Variants in SEC16A observed in about 807,000 individuals in gnomAD.
SEC16A encodes the protein SEC16 homolog A, endoplasmic reticulum export factor, also known as protein transport protein Sec16A.
Under a neutral mutation model 221.9 loss-of-function variants are expected in SEC16A, and 110 were observed. That is an observed-to-expected ratio of 0.50 (90% CI 0.42 to 0.58). The LOEUF is 0.58. Ranked by LOEUF, SEC16A falls within the 20% of genes least tolerant of loss-of-function variation. SEC16A has a pLI of 0.00. For missense variants in SEC16A, 3,165 were observed against 3,097.8 expected (o/e 1.02, Z -0.52); for synonymous variants, 1,393 against 1,257.7 (o/e 1.11, Z -2.28).
Position 136,475,761 on chromosome 9 carries a change from CTAAG to C in SEC16A, c.1851_1854del (p.His617GlnfsTer4), listed in dbSNP as rs896453210. 4 of 1,604,112 alleles carry C rather than the reference CTAAG, an allele frequency of 2.5e-6. No individual in the cohort carries two copies. Among genetic ancestry groups the C allele is most frequent in the Admixed American group, 1.7e-5 (1 of 58,050 alleles). ...TCTGCCTCAAATGGTTTTACCCCAA[CTAAG>C]TGAGATTTTACCGGTTCGAAAGAAC... On this transcript the variant is annotated frameshift_variant, in exon 3 of 32. Coordinates refer to ENST00000684901, the MANE Select transcript of SEC16A (RefSeq NM_014866.2). LOFTEE classifies it high-confidence loss of function. This position sits in a 1 kb window ranked among gnomAD's most constrained non-coding sequence, Gnocchi z 5.0.
intron 30 of SEC16A, among the ~76,000 whole-genome samples, chr9:136,444,367 C>T (rs1459115716): frequency 7.2e-5 from 11 of 152,242 alleles, no homozygotes; most frequent in Admixed American, 6.5e-4. Context: ...GTCACTGCTG[C>T]ACCCGCCCCG....
Position 136,449,089 on chromosome 9 carries a change from A to G in SEC16A, c.6313-928T>C, listed in dbSNP as rs116452084. Among the ~76,000 whole-genome samples, 340 of 152,350 alleles carry G rather than the reference A, an allele frequency of 2.2e-3. 1 individual carries two copies. Among genetic ancestry groups the G allele is most frequent in the African/African-American group, 8.1e-3 (337 of 41,572 alleles). On this transcript the variant is annotated intron_variant, in intron 23 of 31. Coordinates refer to ENST00000684901, the MANE Select transcript of SEC16A (RefSeq NM_014866.2). ...GTGCCTTCAGGAACTTTTTACGTCT[A>G]AACACTGACAAAGCTTCCGACGTCC... is the stretch of plus-strand genomic sequence containing the variant.
chr9:136,484,596 A>T (rs1296569167), upstream of SEC16A: 1 of 1,351,904 alleles, frequency 7.4e-7, no homozygotes, highest in Non-Finnish European at 9.9e-7. Flanking sequence ...GCAGCGGCTG[A>T]GGTCCTCCCT....
Position 136,477,351 on chromosome 9 carries a change from G to A in SEC16A, c.265C>T (p.His89Tyr), listed in dbSNP as rs769233951. ...GTGTGAGGAACAAGCAAACCGGGGT[G>A]CTGAGAAAACCCTGCGGGGGCTGGG... ...QGPAPAGFSQHPGLLVPHTHA... is the reference protein window; with the variant it reads ...QGPAPAGFSQYPGLLVPHTHA... Residue 89 changes from histidine (H) to tyrosine (Y), a missense_variant, in exon 3 of 32, where the codon CAC (histidine) becomes TAC (tyrosine). Around this residue, in one of 3 missense-constraint regions of SEC16A, gnomAD observed 2,030 missense variants for 1,923.1 expected, o/e 1.06. Transcript: ENST00000684901. 2.5e-6 allele frequency: 4 copies of A among 1,613,892 alleles called. No homozygotes were observed. Among genetic ancestry groups the A allele is most frequent in the Non-Finnish European group, 3.4e-6 (4 of 1,179,890 alleles).
Position 136,467,020 on chromosome 9 carries a change from C to T in SEC16A, c.3866G>A (p.Arg1289Gln), listed in dbSNP as rs201659618. The T allele has an allele frequency of 4.3e-5, 70 of 1,613,734 alleles. No individual in the cohort carries two copies. The highest frequency in any genetic ancestry group is 3.3e-4 in the African/African-American group (25 of 74,924). The change falls in exon 6 of 32, where the codon CGG becomes CAG. Residue 1289 changes from arginine (R) to glutamine (Q), a missense_variant. Transcript: ENST00000684901. ...ATACTCTGCATCACACCAATACCTC[C>T]GGTCATAGGTGCGGGGGTCCCTGAC... ...ARVRDPRTYD[R>Q]RYWCDAEYDA...
At position 136,475,351 on chromosome 9, in the gene SEC16A, T is replaced by A; in HGVS notation, c.2265A>T (p.Pro755=). Residue 755 remains proline, a synonymous_variant, in exon 3 of 32, where the codon CCA becomes CCT. Transcript: ENST00000684901. The surrounding 1 kb of genome is among the most constrained non-coding windows in gnomAD (Gnocchi z 5.0). ...CCTCTTCTGGAGGCTGAACAACAGG[T>A]GGCTGAGGTTTTGCACACACATAAA... ...PALYVCAKPQ[P]PVVQPPEEAM... is the part of the protein sequence containing the mutation. 1.2e-6 allele frequency: 2 copies of A among 1,609,592 alleles called. No homozygotes were observed. The highest frequency in any genetic ancestry group is 1.3e-5 in the African/African-American group (1 of 74,846).
At chr9:136,444,847 C>T (rs184251728) in intron 30 of SEC16A, among the ~76,000 whole-genome samples, 124 of 148,804 alleles carry the variant, frequency 8.3e-4, no homozygotes, top group Non-Finnish European at 1.5e-3. Context: ...CCATTGCATT[C>T]CAGCCTGGGC....
chr9:136,484,652 G>T, upstream of SEC16A: 1 of 1,365,896 alleles, frequency 7.3e-7, no homozygotes, highest in Non-Finnish European at 9.8e-7. Flanking sequence ...GGCTGGTGAG[G>T]GAGGGGGTGA....
In SEC16A at chr9:136,443,811, G is replaced by A. The variant is rs2131723346; in HGVS notation, c.7005+12C>T. The stretch of plus-strand genomic sequence containing the variant: ...TGTTAGGGTCTCGTAGGGAAAGGTA[G>A]GAGTCACTCACCTGTGCCAGCTGAG... On this transcript the variant is annotated intron_variant, in intron 31 of 31. Coordinates refer to ENST00000684901, the MANE Select transcript of SEC16A (RefSeq NM_014866.2). 6.2e-7 allele frequency: 1 copy of A among 1,608,078 alleles called. No homozygotes were observed. The highest frequency in any genetic ancestry group is 8.5e-7 in the Non-Finnish European group (1 of 1,176,400).
chr9:136,477,243 A>C lies in SEC16A; in HGVS notation c.373T>G (p.Ser125Ala). 6.2e-7 allele frequency: 1 copy of C among 1,613,940 alleles called. No homozygotes were observed. The highest frequency in any genetic ancestry group is 1.1e-5 in the South Asian group (1 of 91,082). ...TQPRAHASPFSGALTPSAPPG... is the reference protein window; with the variant it reads ...TQPRAHASPFAGALTPSAPPG... ...GGTGCTGAAGGTGTCAATGCACCAG[A>C]AAACGGACTGGCATGTGCTCTGGGC... Residue 125 changes from serine (S) to alanine (A), a missense_variant, in exon 3 of 32, where the codon TCT becomes GCT. Ser to Ala is a moderately conservative substitution (Grantham distance 99, BLOSUM62 1). This residue lies in a region of SEC16A where 2,030 missense variants were observed against 1,923.1 expected (regional missense o/e 1.06). Transcript: ENST00000684901.
At position 136,441,795 on chromosome 9, in the gene SEC16A, A is replaced by T; in HGVS notation, c.7034T>A (p.Leu2345Gln). The change falls in exon 32 of 32, where the codon CTA becomes CAA. Residue 2345 changes from leucine (L) to glutamine (Q), a missense_variant. Around this residue, in one of 3 missense-constraint regions of SEC16A, gnomAD observed 1,088 missense variants for 1,089.6 expected, o/e 1.00. Coordinates refer to ENST00000684901, the MANE Select transcript of SEC16A (RefSeq NM_014866.2). ...GTGCTTCCTCTGGCCAATCCTCCCT[A>T]GCCTTGAGCTCCCGGAGGTGGCGCA... ...QACATSGSSR[L>Q]GRIGQRKHLV... 6.2e-7 allele frequency: 1 copy of T among 1,613,372 alleles called. No homozygotes were observed. Among genetic ancestry groups the T allele is most frequent in the Non-Finnish European group, 8.5e-7 (1 of 1,179,826 alleles).
At chr9:136,471,026 C>T (rs1664691904) in intron 4 of SEC16A, among the ~76,000 whole-genome samples, 1 of 152,122 alleles carries the variant, frequency 6.6e-6, no homozygotes, top group Non-Finnish European at 1.5e-5. Flanking sequence ...CAACAGCCTC[C>T]TCTGCTCTAG....
chr9:136,464,017 G>A (rs570214963), intron 9 of SEC16A, among the ~76,000 whole-genome samples: 60 of 152,370 alleles, frequency 3.9e-4, no homozygotes, highest in Admixed American at 2.1e-3. Flanking sequence ...GAAGCCTGCA[G>A]AAGCTGCAGG....
In SEC16A at chr9:136,475,578, T is replaced by G; in HGVS notation, c.2038A>C (p.Asn680His). 6.2e-7 allele frequency: 1 copy of G among 1,613,482 alleles called. No individual in the cohort carries two copies. ...ATGTGCACAGCTTCCGTGGTGGAGT[T>G]AAGAGGCAGGGGACAGACCTGGGGT... The part of the protein sequence containing the change: ...CAPQVCPLPL[N>H]STTEAVHMLP... Residue 680 changes from asparagine (N) to histidine (H), a missense_variant, in exon 3 of 32, where the codon AAC (asparagine) becomes CAC (histidine). Asn to His is a moderately conservative substitution (Grantham distance 68). Coordinates refer to ENST00000684901, the MANE Select transcript of SEC16A (RefSeq NM_014866.2). This position sits in a 1 kb window ranked among gnomAD's most constrained non-coding sequence, Gnocchi z 5.0.
Position 136,447,685 on chromosome 9 carries a change from A to C in SEC16A, c.6448-5T>G. ...AGGTGGGGGCGGGGCTTTCTTCTGCAGAGGGAAACACAGCTTCAGACACCC... is the reference window on the plus strand; with the variant it reads ...AGGTGGGGGCGGGGCTTTCTTCTGCCGAGGGAAACACAGCTTCAGACACCC... On this transcript the variant is annotated splice_region_variant and splice_polypyrimidine_tract_variant and intron_variant, in intron 25 of 31. Transcript: ENST00000684901. This position sits in a 1 kb window ranked among gnomAD's most constrained non-coding sequence, Gnocchi z 5.5. 1.2e-6 allele frequency: 2 copies of C among 1,605,910 alleles called. No homozygotes were observed. Among genetic ancestry groups the C allele is most frequent in the Non-Finnish European group, 1.7e-6 (2 of 1,173,736 alleles).
chr9:136,446,999 G>T (rs779387352), intron 27 of SEC16A, 50 bp from the exon 28 acceptor site: 1 of 1,612,232 alleles, frequency 6.2e-7, no homozygotes, highest in Non-Finnish European at 8.5e-7. Flanking sequence ...AACGTCCCTG[G>T]GGTCTCACTG....
chr9:136,442,539 A>G (rs1037537188), intron 31 of SEC16A, among the ~76,000 whole-genome samples: 1 of 152,232 alleles, frequency 6.6e-6, no homozygotes, highest in African/African-American at 2.4e-5. Context: ...GCTCCCCTAC[A>G]CTGGCAGCCA....
chr9:136,483,562 C>T (rs1842689699), upstream of SEC16A: 1 of 985,346 alleles, frequency 1.0e-6, no homozygotes. Context: ...GGGGCCGTCC[C>T]AGTACGTCGC....
At chr9:136,443,955 C>T in intron 30 of SEC16A, 55 bp from the exon 31 acceptor site, 2 of 1,311,388 alleles carry the variant, frequency 1.5e-6, no homozygotes, top group South Asian at 2.7e-5. Context: ...GCAGCTGTCA[C>T]TTCAAGTGCA....
Sources: gnomAD v4.1 joint callset for allele counts (sites outside exome capture counted in the v4.1 genomes callset) on GRCh38, gnomAD v4.1.1 for gene constraint, gnomAD v4.1.1 regional missense constraint, Gnocchi (gnomAD v3.1) non-coding constraint, MANE v1.5 for transcripts, NCBI Gene and HGNC (gene_info 2026-07-23, HGNC 2026-07-21) for gene names.